The following ATF6B variants were observed in gnomAD, a reference collection of about 807,000 sequenced individuals.
The protein encoded by ATF6B is activating transcription factor 6 beta, also known as cyclic AMP-dependent transcription factor ATF-6 beta.
ATF6B carries 50 observed loss-of-function variants against 83.5 expected under a neutral mutation model. That is an observed-to-expected ratio of 0.60 (90% confidence interval 0.48 to 0.76). The LOEUF (loss-of-function observed/expected upper bound fraction) is 0.76, where lower values mean the gene tolerates loss of function less well. ATF6B is among the 30% of genes least tolerant of loss of function. ATF6B has a pLI of 0.00. For synonymous variants in ATF6B, 344 were observed against 362.8 expected, an observed-to-expected ratio of 0.95 and a Z score of 0.59; for missense variants, 790 against 893.8, an observed-to-expected ratio of 0.88 and a Z score of 1.48.
In ATF6B at chr6:32,116,915, A is replaced by G. The variant is rs1467808688; in HGVS notation, c.1686-100T>C. The G allele has an allele frequency of 3.3e-6, 5 of 1,524,722 alleles. No individual in the cohort carries two copies. The highest frequency in any genetic ancestry group is 4.5e-6 in the Non-Finnish European group (5 of 1,101,618). 94.4% of individuals were successfully genotyped at this position (1,524,722 alleles called of 1,614,324 possible). ...TGAGAGAAAAAGACAGGAGACCCCCAGTGGAGGAGGGAGGTATAATCCCAC... is the reference window on the plus strand; with the variant it reads ...TGAGAGAAAAAGACAGGAGACCCCCGGTGGAGGAGGGAGGTATAATCCCAC... On this transcript the variant is annotated intron_variant, in intron 15 of 17. Transcript: ENST00000375203. The surrounding 1 kb of genome is among the most constrained non-coding windows in gnomAD (Gnocchi z 5.1).
chr6:32,119,843 G>C lies in ATF6B; in HGVS notation c.947C>G (p.Ser316Cys). 1.2e-6 allele frequency: 2 copies of C among 1,614,108 alleles called. No homozygotes were observed. Among genetic ancestry groups the C allele is most frequent in the African/African-American group, 1.3e-5 (1 of 75,024 alleles). The change falls in exon 9 of 18, where the codon TCC becomes TGC. Residue 316 changes from serine to cysteine, a missense_variant. By Grantham distance (112) the Ser-to-Cys change is moderately radical. Coordinates refer to ENST00000375203, the MANE Select transcript of ATF6B (RefSeq NM_004381.5). This position sits in a 1 kb window ranked among gnomAD's most constrained non-coding sequence, Gnocchi z 4.9. ...SIVPAPMPGN[S>C]CPPEVDAKLL... ...ACTTACATCCACTTCAGGCGGGCAG[G>C]AGTTTCCAGGCATAGGAGCGGGAAC...
intron 5 of ATF6B, 103 bp downstream of exon 5, chr6:32,126,014 G>C: frequency 6.8e-7 from 1 of 1,472,644 alleles, no homozygotes; most frequent in Admixed American, 2.0e-5. Flanking sequence ...TTTTCTCCCT[G>C]TCCTGCTGCC....
Position 32,117,144 on chromosome 6 carries a change from A to G in ATF6B, c.1615-37T>C. ...AGTATCTAAGGACTTGGAGAGGGTG[A>G]AGGGAAAAGGGAAAGAGACAAACAG... On this transcript the variant is annotated intron_variant, in intron 14 of 17. Transcript: ENST00000375203. The surrounding 1 kb of genome is among the most constrained non-coding windows in gnomAD (Gnocchi z 5.0). 1 of 1,603,480 alleles carries G rather than the reference A, an allele frequency of 6.2e-7. No individual in the cohort carries two copies. The highest frequency in any genetic ancestry group is 8.5e-7 in the Non-Finnish European group (1 of 1,170,764).
chr6:32,120,733 G>A (rs1205555543), intron 8 of ATF6B, 38 bp downstream of exon 8: 3 of 1,601,188 alleles, frequency 1.9e-6, no homozygotes, highest in East Asian at 2.3e-5. Flanking sequence ...TTACCGGCGT[G>A]AGCCACCATG....
At chr6:32,123,787 C>T (rs1016216418) in intron 5 of ATF6B, among the ~76,000 whole-genome samples, 1 of 152,110 alleles carries the variant, frequency 6.6e-6, no homozygotes, top group African/African-American at 2.4e-5. Flanking sequence ...ACTTTCCATC[C>T]CTCCCTGCTG....
At position 32,125,883 on chromosome 6, in the gene ATF6B, C is replaced by T. The variant is rs977226404; in HGVS notation, c.478+234G>A. On this transcript the variant is annotated intron_variant, in intron 5 of 17. Coordinates refer to ENST00000375203, the MANE Select transcript of ATF6B (RefSeq NM_004381.5). This position sits in a 1 kb window ranked among gnomAD's most constrained non-coding sequence, Gnocchi z 4.1. ...GAATGGCATGACAGAATACTAGGAA[C>T]AAGAAAAAGAGAGAAAAATAATATC... 6.6e-6 allele frequency among the ~76,000 whole-genome samples: 1 copy of T among 152,122 alleles called. No homozygotes were observed. Among genetic ancestry groups the T allele is most frequent in the African/African-American group, 2.4e-5 (1 of 41,410 alleles).
chr6:32,127,998 C>T, intron 1 of ATF6B, 119 bp downstream of exon 1: 1 of 1,258,460 alleles, frequency 7.9e-7, no homozygotes, highest in Non-Finnish European at 1.1e-6. Context: ...CCCCCTGCTC[C>T]GCTCTCCTTC....
intron 3 of ATF6B, 95 bp downstream of exon 3, chr6:32,127,347 G>A: frequency 7.0e-7 from 1 of 1,426,948 alleles, no homozygotes; most frequent in Non-Finnish European, 9.6e-7. Flanking sequence ...CACTTATGTA[G>A]AAGCGTGAGG....
chr6:32,124,234 G>A (rs563542119), intron 5 of ATF6B, among the ~76,000 whole-genome samples: 11 of 152,146 alleles, frequency 7.2e-5, no homozygotes, highest in East Asian at 3.9e-4. Context: ...CATGTCCAAC[G>A]CTGAATTCAT....
Position 32,117,178 on chromosome 6 carries a change from A to G in ATF6B, c.1615-71T>C. Reference sequence around the variant, plus strand: ...GGGAAAGAGACAAACAGCCCCTGGAAGCTGATGCCACCTCCCACTCAACCC... The same window carrying G: ...GGGAAAGAGACAAACAGCCCCTGGAGGCTGATGCCACCTCCCACTCAACCC... On this transcript the variant is annotated intron_variant, in intron 14 of 17. Coordinates refer to ENST00000375203, the MANE Select transcript of ATF6B (RefSeq NM_004381.5). The surrounding 1 kb of genome is among the most constrained non-coding windows in gnomAD (Gnocchi z 5.0). The G allele has an allele frequency of 6.4e-7, 1 of 1,560,988 alleles. No homozygotes were observed. The highest frequency in any genetic ancestry group is 8.8e-7 in the Non-Finnish European group (1 of 1,138,366).
At position 32,117,706 on chromosome 6, in the gene ATF6B, C is replaced by A; in HGVS notation, c.1425-12G>T. ...AGGCTGTCAGGTTGCTGGAGTGAAG[C>A]AGGAAGGAGACAACACTTGGAGACT... On this transcript the variant is annotated splice_polypyrimidine_tract_variant and intron_variant, in intron 12 of 17. Transcript: ENST00000375203. This position sits in a 1 kb window ranked among gnomAD's most constrained non-coding sequence, Gnocchi z 5.0. 1 of 1,612,518 alleles carries A rather than the reference C, an allele frequency of 6.2e-7. No homozygotes were observed. The highest frequency in any genetic ancestry group is 8.5e-7 in the Non-Finnish European group (1 of 1,179,022).
chr6:32,122,858 A>C (rs1443107510), intron 5 of ATF6B, among the ~76,000 whole-genome samples: 8 of 151,340 alleles, frequency 5.3e-5, no homozygotes, highest in African/African-American at 1.9e-4. Flanking sequence ...AAAAAAAAAA[A>C]AAAAAAACTT....
At position 32,115,634 on chromosome 6, in the gene ATF6B, C is replaced by T; in HGVS notation, c.*105G>A. ...GCTTAACCCCCACACCTGCTCTTTC[C>T]TTTACCAATTGCCCCAAGCCTGGGG... On this transcript the variant is annotated 3_prime_UTR_variant, in exon 18 of 18. Transcript: ENST00000375203. The T allele has an allele frequency of 1.9e-6, 2 of 1,051,288 alleles. No homozygotes were observed. The highest frequency in any genetic ancestry group is 2.8e-6 in the Non-Finnish European group (2 of 717,944). The allele number at this position is 1,051,288 out of a possible 1,614,324, so 65.1% of individuals were successfully genotyped here.
rs774936349 is a variant in ATF6B at position 32,118,978 on chromosome 6, C to T, written c.1130G>A (p.Arg377Gln). 5.0e-6 allele frequency: 8 copies of T among 1,613,894 alleles called. No homozygotes were observed. The highest frequency in any genetic ancestry group is 1.1e-5 in the South Asian group (1 of 91,088). ...LRRENAALRR[R>Q]LEALLAENSE... ...TACTTCAGCCAGCAGGGCCTCCAGC[C>T]GCCGCCGGAGGGCAGCATTCTCTCG... Residue 377 changes from arginine to glutamine, a missense_variant, in exon 10 of 18, where the codon CGG (arginine) becomes CAG (glutamine). Physicochemically the swap from Arg to Gln is conservative, Grantham distance 43. Around this residue, in one of 3 missense-constraint regions of ATF6B, gnomAD observed 530 missense variants for 632.6 expected, o/e 0.84. Transcript: ENST00000375203. The surrounding 1 kb of genome is among the most constrained non-coding windows in gnomAD (Gnocchi z 5.2).
Position 32,128,190 on chromosome 6 carries a change from C to G in ATF6B, c.18G>C (p.Leu6=), listed in dbSNP as rs1265876995. 6.2e-7 allele frequency: 1 copy of G among 1,612,318 alleles called. No homozygotes were observed. The highest frequency in any genetic ancestry group is 1.1e-5 in the South Asian group (1 of 91,074). The part of the protein sequence containing the change: MAELM[L]LSEIADPTRF... ...GCGTCGGGTCAGCAATCTCGCTGAG[C>G]AGCATCAGCTCCGCCATCTTTCCCC... Residue 6 remains leucine (L), a synonymous_variant, in exon 1 of 18, where the codon CTG becomes CTC. Coordinates refer to ENST00000375203, the MANE Select transcript of ATF6B (RefSeq NM_004381.5).
At position 32,117,380 on chromosome 6, in the gene ATF6B, C is replaced by A; in HGVS notation, c.1557G>T (p.Trp519Cys). Residue 519 changes from tryptophan (W) to cysteine (C), a missense_variant, in exon 14 of 18, where the codon TGG becomes TGT. Transcript: ENST00000375203. This position sits in a 1 kb window ranked among gnomAD's most constrained non-coding sequence, Gnocchi z 5.0. ...TCCGGCCTCTCTGGTGGCGCTGGAC[C>A]CAGCCACTCAACTCGTCAGCAAGCC... ...SLRLADELSG[W>C]VQRHQRGRRK... is the part of the protein sequence containing the mutation. 1.2e-6 allele frequency: 2 copies of A among 1,614,112 alleles called. No individual in the cohort carries two copies. The highest frequency in any genetic ancestry group is 1.7e-6 in the Non-Finnish European group (2 of 1,180,006).
rs1301672479 is a variant in ATF6B at position 32,127,661 on chromosome 6, G to A, written c.171+10C>T. The stretch of plus-strand genomic sequence containing the variant: ...CACCAAGGGTTAGAGAAAGGCTGGG[G>A]ACACAATACCGGGACATCCTGCTCC... On this transcript the variant is annotated intron_variant, in intron 2 of 17. Transcript: ENST00000375203. 2 of 1,614,180 alleles carry A rather than the reference G, an allele frequency of 1.2e-6. No homozygotes were observed. The highest frequency in any genetic ancestry group is 2.2e-5 in the South Asian group (2 of 91,086).
In ATF6B at chr6:32,119,745, T is replaced by C. The variant is rs190481451; in HGVS notation, c.966+79A>G. The stretch of plus-strand genomic sequence containing the variant: ...CTCCTAGGTATCGACTCCCTCCTCA[T>C]CCCACAGTTCTCTCTATGGCAAGAC... On this transcript the variant is annotated intron_variant, in intron 9 of 17. Coordinates refer to ENST00000375203, the MANE Select transcript of ATF6B (RefSeq NM_004381.5). This position sits in a 1 kb window ranked among gnomAD's most constrained non-coding sequence, Gnocchi z 4.9. 15 of 1,563,188 alleles carry C rather than the reference T, an allele frequency of 9.6e-6. No homozygotes were observed. Among genetic ancestry groups the C allele is most frequent in the Middle Eastern group, 3.4e-4 (2 of 5,824 alleles).
intron 8 of ATF6B, chr6:32,120,171 C>G (rs1258737956): frequency 4.8e-6 from 2 of 415,800 alleles, no homozygotes; most frequent in Non-Finnish European, 8.1e-6. Context: ...GATCTCGGCT[C>G]ACTGCAAGCT....
Sources: gnomAD v4.1 joint callset for allele counts (sites outside exome capture counted in the v4.1 genomes callset) on GRCh38, gnomAD v4.1.1 for gene constraint, gnomAD v4.1.1 regional missense constraint, Gnocchi (gnomAD v3.1) non-coding constraint, MANE v1.5 for transcripts, NCBI Gene and HGNC (gene_info 2026-07-23, HGNC 2026-07-21) for gene names.